Variants in WWC1 observed in about 807,000 individuals in gnomAD.
WWC1 encodes the protein WW and C2 domain containing 1.
In WWC1, 55 loss-of-function variants were observed where a neutral mutation model predicts 138.4. The ratio of observed to expected loss-of-function variants is 0.40; its 90% CI spans 0.32 to 0.50. The LOEUF (loss-of-function observed/expected upper bound fraction) is 0.50, where lower values mean the gene tolerates loss of function less well. Among genes scored for constraint, WWC1 ranks in the 20% least tolerant of loss-of-function variants. WWC1 has a pLI of 0.72. For missense variants in WWC1, 1,226 were observed against 1,420.4 expected (o/e 0.86, Z 2.20); for synonymous variants, 524 against 564.9 (o/e 0.93, Z 1.03).
At position 168,371,450 on chromosome 5, in the gene WWC1, A is replaced by G; in HGVS notation, c.146A>G (p.Asp49Gly). 1.2e-6 allele frequency: 2 copies of G among 1,614,050 alleles called. No individual in the cohort carries two copies. The highest frequency in any genetic ancestry group is 1.7e-6 in the Non-Finnish European group (2 of 1,179,974). ...TACACCAAACCGCTCACCTTTGCTG[A>G]CTGCATTAGTGATGAGTTGCCGCTA... ...DRYTKPLTFA[D>G]CISDELPLGW... The change falls in exon 2 of 23, where the codon GAC (aspartate) becomes GGC (glycine). Residue 49 changes from aspartate (D) to glycine (G), a missense_variant. Physicochemically the swap from Asp to Gly is moderately conservative, Grantham distance 94. This residue lies in a region of WWC1 where 1,016 missense variants were observed against 1,153.9 expected (regional missense o/e 0.88). Transcript: ENST00000265293.
chr5:168,389,953 T>C (rs1390655238), intron 3 of WWC1, among the ~76,000 whole-genome samples: 1 of 152,196 alleles, frequency 6.6e-6, no homozygotes, highest in African/African-American at 2.4e-5. Flanking sequence ...AAACCACTGG[T>C]CTAGGTAAGA....
chr5:168,314,877 G>A (rs1451058979), intron 1 of WWC1, among the ~76,000 whole-genome samples: 1 of 152,186 alleles, frequency 6.6e-6, no homozygotes, highest in African/African-American at 2.4e-5. Context: ...TTCCCATCAG[G>A]GATTAGGACA....
At position 168,377,016 on chromosome 5, in the gene WWC1, T is replaced by C. The variant is rs1309213478; in HGVS notation, c.229+5483T>C. ...GAACAAAGCCAGAGGCATCATATTATCCAACTTCAAACTATACTATAAGGC... is the reference window on the plus strand; with the variant it reads ...GAACAAAGCCAGAGGCATCATATTACCCAACTTCAAACTATACTATAAGGC... On this transcript the variant is annotated intron_variant, in intron 2 of 22. Coordinates refer to ENST00000265293, the MANE Select transcript of WWC1 (RefSeq NM_015238.3). Among the ~76,000 whole-genome samples the C allele has an allele frequency of 2.6e-5, 4 of 152,136 alleles. No homozygotes were observed. The East Asian group carries it at 7.7e-4, about 29-fold the overall frequency.
chr5:168,397,726 G>T lies in WWC1; in HGVS notation c.436G>T (p.Val146Phe), dbSNP rs1298411761. The change falls in exon 4 of 23, where the codon GTC (valine) becomes TTC (phenylalanine). Residue 146 changes from valine (V) to phenylalanine (F), a missense_variant and splice_region_variant. By Grantham distance (50) the Val-to-Phe change is conservative. Around this residue, in one of 3 missense-constraint regions of WWC1, gnomAD observed 1,016 missense variants for 1,153.9 expected, o/e 0.88. Transcript: ENST00000265293. ...EHKLGSQVSL[V>F]SGSSSSSKYD... ...TTGTTTTTCTTTTTTCCTTACAGTG[G>T]TCTCTGGTTCATCATCCAGCTCCAA... 3 of 1,613,834 alleles carry T rather than the reference G, an allele frequency of 1.9e-6. No individual in the cohort carries two copies. In the Admixed American group the frequency reaches 5.0e-5, roughly 27 times the overall value.
chr5:168,441,804 C>A lies in WWC1; in HGVS notation c.2403C>A (p.Val801=), dbSNP rs3733980. The A allele has an allele frequency of 6.2e-7, 1 of 1,613,732 alleles. No individual in the cohort carries two copies. Among genetic ancestry groups the A allele is most frequent in the South Asian group, 1.1e-5 (1 of 91,052 alleles). Residue 801 remains valine, a synonymous_variant, in exon 16 of 23, where the codon GTC becomes GTA. Coordinates refer to ENST00000265293, the MANE Select transcript of WWC1 (RefSeq NM_015238.3). ...KQSRELKPVG[V]MAPASGPAST... ...GCAGGGAGCTCAAGCCAGTGGGAGT[C>A]ATGGCCCCTGCCTCAGGGCCTGCCA... is the stretch of plus-strand genomic sequence containing the variant.
chr5:168,358,707 T>G (rs1207398550), intron 1 of WWC1, among the ~76,000 whole-genome samples: 1 of 152,196 alleles, frequency 6.6e-6, no homozygotes, highest in Non-Finnish European at 1.5e-5. Context: ...TTTTCTTTTT[T>G]CTTACAACTT....
chr5:168,306,904 G>A (rs1000906610), intron 1 of WWC1, among the ~76,000 whole-genome samples: 5 of 152,198 alleles, frequency 3.3e-5, no homozygotes, highest in Admixed American at 2.6e-4. Context: ...GCCAGTCTAA[G>A]CTACTTTAGA....
chr5:168,386,377 C>CTTTTTTTTTT (rs59691686), intron 3 of WWC1, among the ~76,000 whole-genome samples: 2 of 143,970 alleles, frequency 1.4e-5, no homozygotes, highest in African/African-American at 2.6e-5. Context: ...TCCCCTTGTT[C>CTTTTTTTTTT]TTTTTTTTTT....
At chr5:168,463,261 C>T (rs991039737) in intron 20 of WWC1, among the ~76,000 whole-genome samples, 1 of 152,148 alleles carries the variant, frequency 6.6e-6, no homozygotes, top group Non-Finnish European at 1.5e-5. Context: ...TGTTAAATGG[C>T]CACATACTCA....
At chr5:168,363,742 T>G (rs768143020) in intron 1 of WWC1, among the ~76,000 whole-genome samples, 1 of 152,112 alleles carries the variant, frequency 6.6e-6, no homozygotes, top group Non-Finnish European at 1.5e-5. Flanking sequence ...CAGCCCATTT[T>G]AACGCAGCGG....
chr5:168,466,199 G>T (rs1243015371), intron 21 of WWC1, among the ~76,000 whole-genome samples: 1 of 152,150 alleles, frequency 6.6e-6, no homozygotes, highest in East Asian at 1.9e-4. Context: ...AAAACAACTG[G>T]AAGGGTAAAA....
chr5:168,466,508 G>A (rs1179130532), intron 21 of WWC1, among the ~76,000 whole-genome samples: 2 of 152,240 alleles, frequency 1.3e-5, no homozygotes, highest in Non-Finnish European at 2.9e-5. Flanking sequence ...GCTGAATACA[G>A]GTGGTGATGC....
At chr5:168,313,791 A>G (rs1397318615) in intron 1 of WWC1, among the ~76,000 whole-genome samples, 2 of 152,186 alleles carry the variant, frequency 1.3e-5, no homozygotes, top group South Asian at 2.1e-4. Flanking sequence ...AGGGCACACT[A>G]CATACTTGTG....
chr5:168,387,824 G>A (rs972266881), intron 3 of WWC1, among the ~76,000 whole-genome samples: 3 of 152,150 alleles, frequency 2.0e-5, no homozygotes, highest in African/African-American at 7.2e-5. Context: ...ACACAATTCA[G>A]TCCGTACCAT....
In WWC1 at chr5:168,464,727, A is replaced by G. The variant is rs1187100443; in HGVS notation, c.2917-2A>G. On this transcript the variant is annotated splice_acceptor_variant, in intron 20 of 22. Transcript: ENST00000265293. LOFTEE classifies it high-confidence loss of function. ...CAAGAGAAGCCGTCCCCACCCCCAC[A>G]GCCTTCCTCGGTCAAGTCGCTGCGC... 1 of 1,614,128 alleles carries G rather than the reference A, an allele frequency of 6.2e-7. No individual in the cohort carries two copies. The highest frequency in any genetic ancestry group is 8.5e-7 in the Non-Finnish European group (1 of 1,180,006).
chr5:168,390,570 G>A (rs1554102648), intron 3 of WWC1, among the ~76,000 whole-genome samples: 1 of 152,198 alleles, frequency 6.6e-6, no homozygotes, highest in Non-Finnish European at 1.5e-5. Flanking sequence ...AGTTAAACAA[G>A]GTGTGACCCA....
intron 9 of WWC1, among the ~76,000 whole-genome samples, chr5:168,417,518 G>A (rs1426144861): frequency 6.6e-6 from 1 of 152,100 alleles, no homozygotes; most frequent in Non-Finnish European, 1.5e-5. Flanking sequence ...AGGCTCACCC[G>A]AGATCCCTAA....
In WWC1 at chr5:168,369,895, A is replaced by ATTTTT. The variant is rs35999257; in HGVS notation, c.120-1510_120-1506dup. Among the ~76,000 whole-genome samples the ATTTTT allele has an allele frequency of 1.1e-3, 100 of 89,008 alleles. 2 individuals carry two copies. The highest frequency in any genetic ancestry group is 4.1e-3 in the African/African-American group (85 of 20,914). The allele number at this position is 89,008 out of a possible 152,430, so 58.4% of individuals were successfully genotyped here. On this transcript the variant is annotated intron_variant, in intron 1 of 22. Coordinates refer to ENST00000265293, the MANE Select transcript of WWC1 (RefSeq NM_015238.3). ...CATTACATTATTCACTCATTGTGCA[A>ATTTTT]TTTTTTTTTTTTTTTTTTTTTTTGA...
intron 9 of WWC1, among the ~76,000 whole-genome samples, chr5:168,421,582 C>T (rs2152850772): frequency 6.6e-6 from 1 of 152,280 alleles, no homozygotes; most frequent in Non-Finnish European, 1.5e-5. Context: ...GGGTCCAGTA[C>T]AAAACGGGCA....
Sources: allele counts gnomAD v4.1 joint callset (sites outside exome capture counted in the v4.1 genomes callset), GRCh38; gene constraint gnomAD v4.1.1; regional missense constraint gnomAD v4.1.1; transcripts MANE v1.5; gene names NCBI Gene and HGNC (gene_info 2026-07-23, HGNC 2026-07-21).